The following TVP23A variants were observed in gnomAD, a reference collection of about 807,000 sequenced individuals.
The protein encoded by TVP23A is Golgi apparatus membrane protein TVP23 homolog A.
TVP23A carries 21 observed loss-of-function variants against 31.7 expected under a neutral mutation model. The ratio of observed to expected loss-of-function variants is 0.66; its 90% confidence interval spans 0.47 to 0.95. The LOEUF (loss-of-function observed/expected upper bound fraction) is 0.95, where lower values mean the gene tolerates loss of function less well. Ranked by LOEUF, TVP23A falls within the 40% of genes least tolerant of loss-of-function variation. The pLI, the probability that TVP23A is intolerant of heterozygous loss-of-function variation, is 0.00. For synonymous variants in TVP23A, 104 were observed against 96.0 expected, an observed-to-expected ratio of 1.08 and a Z score of -0.49; for missense variants, 279 against 255.6, an observed-to-expected ratio of 1.09 and a Z score of -0.62.
chr16:10,783,061 T>C (rs1461277706), intron 2 of TVP23A, among the ~76,000 whole-genome samples: 2 of 152,126 alleles, frequency 1.3e-5, no homozygotes, highest in Non-Finnish European at 2.9e-5. Flanking sequence ...AGGGGTTGTG[T>C]TCTTTCTTGG....
In TVP23A at chr16:10,818,390, G is replaced by T. The variant is rs559088030; in HGVS notation, c.9+95C>A. On this transcript the variant is annotated intron_variant, in intron 1 of 7. Coordinates refer to ENST00000299866, the MANE Select transcript of TVP23A (RefSeq NM_001079512.4). The surrounding 1 kb of genome is among the most constrained non-coding windows in gnomAD (Gnocchi z 4.7). ...CGGGTGCAGCCCAGCCCCAGGCCCC[G>T]GCGCATCCCTCCTCCTCCTCCCGGC... 4.0e-4 allele frequency: 605 copies of T among 1,530,322 alleles called. 4 individuals are homozygous for T. In the South Asian group the frequency reaches 6.1e-3, roughly 15 times the overall value. 94.8% of individuals were successfully genotyped at this position (1,530,322 alleles called of 1,614,324 possible). A position where few individuals can be genotyped will look rare whatever the true frequency, so the allele number is the denominator to read the frequency against.
In TVP23A at chr16:10,775,109, C is replaced by T; in HGVS notation, c.90-13G>A. 1 of 1,600,440 alleles carries T rather than the reference C, an allele frequency of 6.2e-7. No homozygotes were observed. ...GGCCAAGGGGTGTCTAGGAAAGGACCCAGAAGGCGCCCTCACTCCAAGAGC... is the reference window on the plus strand; with the variant it reads ...GGCCAAGGGGTGTCTAGGAAAGGACTCAGAAGGCGCCCTCACTCCAAGAGC... On this transcript the variant is annotated splice_polypyrimidine_tract_variant and intron_variant, in intron 2 of 7. Transcript: ENST00000299866.
intron 2 of TVP23A, among the ~76,000 whole-genome samples, chr16:10,806,743 C>G (rs1323815334): frequency 6.6e-6 from 1 of 152,136 alleles, no homozygotes; most frequent in East Asian, 1.9e-4. Context: ...CTCAGGCAAC[C>G]CACCCGCCTC....
At chr16:10,817,610 A>G (rs12102625) in intron 2 of TVP23A, among the ~76,000 whole-genome samples, 6,484 of 152,300 alleles carry the variant, frequency 0.043, 491 homozygotes, top group African/African-American at 0.15. Flanking sequence ...CCACTTGTCC[A>G]GCCCACTGCC....
chr16:10,801,281 G>T (rs747351994), intron 2 of TVP23A, among the ~76,000 whole-genome samples: 1 of 152,152 alleles, frequency 6.6e-6, no homozygotes, highest in Non-Finnish European at 1.5e-5. Context: ...CATTTCTGCA[G>T]TATCTCTGCC....
intron 2 of TVP23A, among the ~76,000 whole-genome samples, chr16:10,790,286 T>C (rs988244181): frequency 3.4e-5 from 5 of 146,858 alleles, no homozygotes; most frequent in African/African-American, 1.3e-4. Flanking sequence ...AAAATTTTTT[T>C]TTTTTTTTTT....
intron 2 of TVP23A, among the ~76,000 whole-genome samples, chr16:10,803,191 G>A (rs2033783572): frequency 6.6e-6 from 1 of 151,658 alleles, no homozygotes; most frequent in Non-Finnish European, 1.5e-5. Context: ...GGCTGAGGCA[G>A]GAGAATCACT....
chr16:10,810,766 G>C (rs1313526006), intron 2 of TVP23A, among the ~76,000 whole-genome samples: 1 of 151,944 alleles, frequency 6.6e-6, no homozygotes, highest in African/African-American at 2.4e-5. Flanking sequence ...GGCCTTACAC[G>C]TCGGCCCCTC....
chr16:10,759,124 C>T (rs541006215), downstream of TVP23A, among the ~76,000 whole-genome samples: 5 of 152,334 alleles, frequency 3.3e-5, 1 homozygote, highest in African/African-American at 1.2e-4. The surrounding 1 kb of genome is among the most constrained non-coding windows in gnomAD (Gnocchi z 4.7). Flanking sequence ...CATAGTCTCA[C>T]CTCATCCAGC....
At chr16:10,797,183 T>G (rs1389924955) in intron 2 of TVP23A, among the ~76,000 whole-genome samples, 1 of 149,814 alleles carries the variant, frequency 6.7e-6, no homozygotes, top group Non-Finnish European at 1.5e-5. Context: ...AACAAGACCC[T>G]GTAGAAAAAA....
At position 10,767,066 on chromosome 16, in the gene TVP23A, T is replaced by A; in HGVS notation, c.*2036A>T. On this transcript the variant is annotated 3_prime_UTR_variant, in exon 8 of 8. Transcript: ENST00000299866. The surrounding 1 kb of genome is among the most constrained non-coding windows in gnomAD (Gnocchi z 4.6). ...GTGAAGTTGAGGAAATGATGAGTGC[T>A]AGGTAGGAACCCCTCCTGGGGTTCA... is the stretch of plus-strand genomic sequence containing the variant. The A allele has an allele frequency of 2.5e-6, 1 of 398,732 alleles. No homozygotes were observed. The highest frequency in any genetic ancestry group is 2.1e-5 in the African/African-American group (1 of 48,744). 24.7% of individuals were successfully genotyped at this position (398,732 alleles called of 1,614,324 possible).
In TVP23A at chr16:10,818,601, A is replaced by G; in HGVS notation, c.-108T>C. Reference sequence around the variant, plus strand: ...GGCGGATGTAGGCAGCAGACGGTGGACGCTGAGGGTCGGGGCCTGCGCCCT... The same window carrying G: ...GGCGGATGTAGGCAGCAGACGGTGGGCGCTGAGGGTCGGGGCCTGCGCCCT... On this transcript the variant is annotated 5_prime_UTR_variant, in exon 1 of 8. Coordinates refer to ENST00000299866, the MANE Select transcript of TVP23A (RefSeq NM_001079512.4). This position sits in a 1 kb window ranked among gnomAD's most constrained non-coding sequence, Gnocchi z 4.7. The G allele has an allele frequency of 7.1e-7, 1 of 1,400,976 alleles. No homozygotes were observed. The highest frequency in any genetic ancestry group is 9.5e-7 in the Non-Finnish European group (1 of 1,049,160). The allele number at this position is 1,400,976 out of a possible 1,614,324, so 86.8% of individuals were successfully genotyped here.
At chr16:10,801,884 T>C (rs1284060444) in intron 2 of TVP23A, among the ~76,000 whole-genome samples, 2 of 152,094 alleles carry the variant, frequency 1.3e-5, no homozygotes, top group South Asian at 2.1e-4. Context: ...ACAGTACACA[T>C]TGATGGCTGG....
At position 10,773,210 on chromosome 16, in the gene TVP23A, A is replaced by C. The variant is rs144001842; in HGVS notation, c.453+103T>G. 8,863 of 1,392,860 alleles carry C rather than the reference A, an allele frequency of 6.4e-3. 42 individuals carry two copies. Among genetic ancestry groups the C allele is most frequent in the Non-Finnish European group, 7.4e-3 (7,681 of 1,035,248 alleles). 86.3% of individuals were successfully genotyped at this position (1,392,860 alleles called of 1,614,324 possible). ...ATTATATCTCAATAAACTTGTTATA[A>C]TTGATCAATCAATCAATAACAAATA... is the stretch of plus-strand genomic sequence containing the variant. On this transcript the variant is annotated intron_variant, in intron 5 of 7. Transcript: ENST00000299866.
At chr16:10,787,611 C>T (rs2032844434) in intron 2 of TVP23A, among the ~76,000 whole-genome samples, 1 of 152,148 alleles carries the variant, frequency 6.6e-6, no homozygotes, top group African/African-American at 2.4e-5. Flanking sequence ...TCTGTGGGCT[C>T]TATGTAAATC....
At chr16:10,798,363 C>A (rs1473472333) in intron 2 of TVP23A, among the ~76,000 whole-genome samples, 1 of 152,082 alleles carries the variant, frequency 6.6e-6, no homozygotes, top group Non-Finnish European at 1.5e-5. Flanking sequence ...CATTTCTGGG[C>A]CTATTTCCTC....
chr16:10,786,306 G>C (rs2032749689), intron 2 of TVP23A, among the ~76,000 whole-genome samples: 1 of 152,138 alleles, frequency 6.6e-6, no homozygotes, highest in South Asian at 2.1e-4. Flanking sequence ...AGGTGCAGTG[G>C]CTTAGGCCTG....
At chr16:10,758,775 G>A (rs1211763126), downstream of TVP23A, among the ~76,000 whole-genome samples, 1 of 152,206 alleles carries the variant, frequency 6.6e-6, no homozygotes, top group African/African-American at 2.4e-5. Context: ...GCTGGGTGCA[G>A]ATAGGGATTT....
chr16:10,807,993 G>A (rs965181191), intron 2 of TVP23A, among the ~76,000 whole-genome samples: 1 of 152,190 alleles, frequency 6.6e-6, no homozygotes, highest in African/African-American at 2.4e-5. Flanking sequence ...GATTACAGGT[G>A]CATGCCACCG....
Sources: allele counts gnomAD v4.1 joint callset (sites outside exome capture counted in the v4.1 genomes callset), GRCh38; gene constraint gnomAD v4.1.1; non-coding constraint Gnocchi (gnomAD v3.1); transcripts MANE v1.5; gene names NCBI Gene and HGNC (gene_info 2026-07-23, HGNC 2026-07-21).